IRGC: variants seen among roughly 807,000 people sequenced by gnomAD.
The protein encoded by IRGC is immunity related GTPase cinema.
A neutral mutation model predicts 16.1 loss-of-function variants in IRGC; 4 were observed. The observed-to-expected ratio is 0.25, with a 90% CI of 0.12 to 0.57. The LOEUF (loss-of-function observed/expected upper bound fraction) is 0.57. Among genes scored for constraint, IRGC ranks in the 20% least tolerant of loss-of-function variants. IRGC has a pLI of 0.92. For synonymous variants in IRGC, 307 were observed against 299.5 expected (o/e 1.03, Z -0.26); for missense variants, 570 against 643.9 (o/e 0.89, Z 1.24).
chr19:43,717,822 C>A (rs957439782), intron 1 of IRGC, among the ~76,000 whole-genome samples: 12 of 152,198 alleles, frequency 7.9e-5, no homozygotes, highest in Admixed American at 2.6e-4. Flanking sequence ...TTAATCCCAG[C>A]GCTCTGGGAA....
At position 43,719,531 on chromosome 19, in the gene IRGC, G is replaced by A; in HGVS notation, c.973G>A (p.Asp325Asn). ...CGAGCAGGTGGGCAAACAGGCAGGT[G>A]ACCTGCGCTCGGTCATCCGCTCCCC... ...LAEQVGKQAG[D>N]LRSVIRSPLA... Residue 325 changes from aspartate to asparagine, a missense_variant, in exon 2 of 2, where the codon GAC becomes AAC. Transcript: ENST00000244314. The A allele has an allele frequency of 2.5e-6, 4 of 1,603,094 alleles. No homozygotes were observed. Among genetic ancestry groups the A allele is most frequent in the Non-Finnish European group, 2.5e-6 (3 of 1,179,684 alleles).
chr19:43,719,884 G>A lies in IRGC; in HGVS notation c.1326G>A (p.Arg442=). The A allele has an allele frequency of 2.5e-6, 4 of 1,613,968 alleles. No individual in the cohort carries two copies. The highest frequency in any genetic ancestry group is 1.1e-5 in the South Asian group (1 of 91,078). Residue 442 remains arginine, a synonymous_variant, in exon 2 of 2, where the codon AGG becomes AGA. Coordinates refer to ENST00000244314, the MANE Select transcript of IRGC (RefSeq NM_019612.4). ...AGGAAGCCCCACTCTCAACCTGCAG[G>A]AAGCTCGGCCTCCTTCTTAAGTACA... ...GGEEAPLSTC[R]KLGLLLKYIL... is the part of the protein sequence containing the mutation.
intron 1 of IRGC, among the ~76,000 whole-genome samples, chr19:43,717,407 C>T (rs1028255561): frequency 6.6e-6 from 1 of 152,144 alleles, no homozygotes; most frequent in Non-Finnish European, 1.5e-5. Context: ...AGCCAGGCGC[C>T]GTTTTATGGG....
At chr19:43,718,256 A>C in intron 1 of IRGC, 1 of 337,128 alleles carries the variant, frequency 3.0e-6, no homozygotes, top group East Asian at 5.9e-5. Flanking sequence ...CATTACCCAG[A>C]GAGGTGCTTC....
In IRGC at chr19:43,719,542, G is replaced by A. The variant is rs34432569; in HGVS notation, c.984G>A (p.Ser328=). 556 of 1,602,614 alleles carry A rather than the reference G, an allele frequency of 3.5e-4. 2 individuals carry two copies. The African/African-American group carries it at 6.1e-3, about 18-fold the overall frequency. ...QVGKQAGDLR[S]VIRSPLANEV... is the part of the protein sequence containing the mutation. ...GCAAACAGGCAGGTGACCTGCGCTC[G>A]GTCATCCGCTCCCCACTGGCCAACG... is the stretch of plus-strand genomic sequence containing the variant. Residue 328 remains serine, a synonymous_variant, in exon 2 of 2, where the codon TCG becomes TCA. Transcript: ENST00000244314.
chr19:43,716,791 G>A (rs1483279731), intron 1 of IRGC, among the ~76,000 whole-genome samples: 1 of 152,168 alleles, frequency 6.6e-6, no homozygotes, highest in Non-Finnish European at 1.5e-5. Context: ...AGCTCTCTAG[G>A]TGGGTGAAGG....
At chr19:43,718,333 C>G (rs1968200725) in intron 1 of IRGC, 160 bp from the exon 2 acceptor site, 1 of 817,110 alleles carries the variant, frequency 1.2e-6, no homozygotes, top group African/African-American at 1.8e-5. Context: ...CTGCCAGACC[C>G]CAAAGCCCTC....
In IRGC at chr19:43,719,788, G is replaced by T; in HGVS notation, c.1230G>T (p.Gln410His). 6.2e-7 allele frequency: 1 copy of T among 1,614,030 alleles called. No homozygotes were observed. Among genetic ancestry groups the T allele is most frequent in the Non-Finnish European group, 8.5e-7 (1 of 1,179,948 alleles). The change falls in exon 2 of 2, where the codon CAG becomes CAT. Residue 410 changes from glutamine (Q) to histidine (H), a missense_variant. Coordinates refer to ENST00000244314, the MANE Select transcript of IRGC (RefSeq NM_019612.4). ...AGGCCCTGGAGGATGACGAGCCGCA[G>T]CCGGAGGTCAGCTTGGAAGTGGCCA... The part of the protein sequence containing the change: ...RIKALEDDEP[Q>H]PEVSLEVASD...
chr19:43,718,984 C>G lies in IRGC; in HGVS notation c.426C>G (p.Pro142=), dbSNP rs749212984. 4.2e-5 allele frequency: 67 copies of G among 1,610,262 alleles called. No individual in the cohort carries two copies. In the African/African-American group the frequency reaches 5.7e-4, roughly 14 times the overall value. Residue 142 remains proline, a synonymous_variant, in exon 2 of 2, where the codon CCC becomes CCG. Transcript: ENST00000244314. ...SRYDFFLLVS[P]RRCGAVETRL... is the part of the protein sequence containing the mutation. ...ATGACTTCTTCCTGCTGGTCTCCCC[C>G]CGCCGCTGCGGGGCCGTCGAGACCC... is the stretch of plus-strand genomic sequence containing the variant.
In IRGC at chr19:43,719,433, C is replaced by T. The variant is rs1263848948; in HGVS notation, c.875C>T (p.Ala292Val). 5.0e-6 allele frequency: 8 copies of T among 1,603,126 alleles called. No homozygotes were observed. The highest frequency in any genetic ancestry group is 3.4e-5 in the Admixed American group (2 of 59,688). Residue 292 changes from alanine to valine, a missense_variant, in exon 2 of 2, where the codon GCG (alanine) becomes GTG (valine). By Grantham distance (64) the Ala-to-Val change is moderately conservative. Coordinates refer to ENST00000244314, the MANE Select transcript of IRGC (RefSeq NM_019612.4). The stretch of plus-strand genomic sequence containing the variant: ...GGGCTGGCGGCCGCCTACGATGATG[C>T]GTTGCTCATCCACTCACTGCGTGGC... ...VPGLAAAYDDALLIHSLRGYH... is the reference protein window; with the variant it reads ...VPGLAAAYDDVLLIHSLRGYH...
chr19:43,719,152 T>C lies in IRGC; in HGVS notation c.594T>C (p.Cys198=). Residue 198 remains cysteine (C), a synonymous_variant, in exon 2 of 2, where the codon TGT becomes TGC. Coordinates refer to ENST00000244314, the MANE Select transcript of IRGC (RefSeq NM_019612.4). The part of the protein sequence containing the change: ...AAVLQEIRDH[C]AERLREAGVA... ...TCCTGCAGGAGATCCGAGACCACTG[T>C]GCCGAGCGGCTGCGGGAGGCCGGCG... 1 of 1,610,370 alleles carries C rather than the reference T, an allele frequency of 6.2e-7. No individual in the cohort carries two copies. The highest frequency in any genetic ancestry group is 1.1e-5 in the South Asian group (1 of 91,000).
intron 1 of IRGC, among the ~76,000 whole-genome samples, chr19:43,717,379 C>T (rs1968186740): frequency 1.3e-5 from 2 of 152,196 alleles, no homozygotes; most frequent in Admixed American, 1.3e-4. Context: ...ATGCCAATGA[C>T]ACGAGGCACC....
chr19:43,717,361 T>C (rs1440348026), intron 1 of IRGC, among the ~76,000 whole-genome samples: 1 of 152,116 alleles, frequency 6.6e-6, no homozygotes, highest in Non-Finnish European at 1.5e-5. Context: ...ATAATGACGA[T>C]GATGGTGATG....
intron 1 of IRGC, among the ~76,000 whole-genome samples, chr19:43,718,226 G>A (rs1381375601): frequency 6.6e-6 from 1 of 152,132 alleles, no homozygotes; most frequent in African/African-American, 2.4e-5. Flanking sequence ...TGCTCCAAGA[G>A]GCTGCTTGGT....
chr19:43,718,522 C>G lies in IRGC; in HGVS notation c.-37C>G. 6.5e-7 allele frequency: 1 copy of G among 1,533,288 alleles called. No individual in the cohort carries two copies. Among genetic ancestry groups the G allele is most frequent in the Non-Finnish European group, 8.8e-7 (1 of 1,140,530 alleles). The allele number at this position is 1,533,288 out of a possible 1,614,324, so 95.0% of individuals were successfully genotyped here. A position where few individuals can be genotyped will look rare whatever the true frequency, so the allele number is the denominator to read the frequency against. On this transcript the variant is annotated 5_prime_UTR_variant, in exon 2 of 2. Transcript: ENST00000244314. ...TGAGGATCACGCATCCTGTGACTCT[C>G]CCCTGTCCCCCGCCACCCTCTGAAC...
At position 43,719,395 on chromosome 19, in the gene IRGC, C is replaced by T. The variant is rs542350356; in HGVS notation, c.837C>T (p.Ala279=). ...CCCTGGTGTTGGGCGTCATCCAGGC[C>T]CTGCCGGTCCCAGGGCTGGCGGCCG... ...KTALVLGVIQ[A]LPVPGLAAAY... The change falls in exon 2 of 2, where the codon GCC becomes GCT. Residue 279 remains alanine (A), a synonymous_variant. Transcript: ENST00000244314. 7 of 1,609,458 alleles carry T rather than the reference C, an allele frequency of 4.3e-6. No individual in the cohort carries two copies. In the East Asian group the frequency reaches 6.7e-5, roughly 15 times the overall value.
At chr19:43,718,253 C>CA (rs1968199504) in intron 1 of IRGC, 1 of 330,870 alleles carries the variant, frequency 3.0e-6, no homozygotes, top group African/African-American at 2.2e-5. Context: ...GCCCATTACC[C>CA]AGAGAGGTGC....
chr19:43,717,029 G>A (rs1968180536), intron 1 of IRGC, among the ~76,000 whole-genome samples: 1 of 152,176 alleles, frequency 6.6e-6, no homozygotes, highest in South Asian at 2.1e-4. Context: ...TCCTGGTGAG[G>A]AGGAGGGATC....
At chr19:43,716,930 G>C (rs1968178623) in intron 1 of IRGC, among the ~76,000 whole-genome samples, 1 of 152,160 alleles carries the variant, frequency 6.6e-6, no homozygotes. Context: ...AGCTCTCCCA[G>C]GGCACCCTGA....
Sources: gnomAD v4.1 joint callset for allele counts (sites outside exome capture counted in the v4.1 genomes callset) on GRCh38, gnomAD v4.1.1 for gene constraint, MANE v1.5 for transcripts, NCBI Gene and HGNC (gene_info 2026-07-23, HGNC 2026-07-21) for gene names.